Variants in PTPRD observed in about 807,000 individuals in gnomAD.
PTPRD encodes the protein receptor-type tyrosine-protein phosphatase delta.
In PTPRD, 34 loss-of-function variants were observed where a neutral mutation model predicts 214.5. That is an observed-to-expected ratio of 0.16 (90% CI 0.12 to 0.21). The LOEUF is 0.21. Among genes scored for constraint, PTPRD ranks in the 10% least tolerant of loss-of-function variants. The pLI, the probability that PTPRD is intolerant of heterozygous loss-of-function variation, is 1.00. For missense variants in PTPRD, 2,545 were observed against 2,398.7 expected, an observed-to-expected ratio of 1.06 and a Z score of -1.27; for synonymous variants, 1,128 against 845.7, an observed-to-expected ratio of 1.33 and a Z score of -5.79.
In PTPRD at chr9:8,738,347, G is replaced by A. The variant is rs145441370; in HGVS notation, c.-103-4401C>T. Among the ~76,000 whole-genome samples the A allele has an allele frequency of 1.4e-3, 207 of 151,072 alleles. 1 individual carries two copies. Among genetic ancestry groups the A allele is most frequent in the African/African-American group, 4.8e-3 (195 of 40,416 alleles). ...TATTCATATTCAAACCAATATGAAT[G>A]TTGAAGGATTTGTACTATTTTTTCA... is the stretch of plus-strand genomic sequence containing the variant. On this transcript the variant is annotated intron_variant, in intron 11 of 45. Coordinates refer to ENST00000381196, the MANE Select transcript of PTPRD (RefSeq NM_002839.4).
chr9:10,265,591 A>G (rs1456768781), intron 3 of PTPRD, among the ~76,000 whole-genome samples: 1 of 152,222 alleles, frequency 6.6e-6, no homozygotes, highest in African/African-American at 2.4e-5. Flanking sequence ...GGTCTCTATC[A>G]CAACTACTCA....
intron 26 of PTPRD, among the ~76,000 whole-genome samples, chr9:8,494,608 C>T (rs760338929): frequency 2.6e-5 from 4 of 152,200 alleles, no homozygotes; most frequent in South Asian, 4.1e-4. Context: ...AGCAGCAAGG[C>T]TTGCTTCCAT....
At chr9:8,520,285 A>G (rs189645940) in intron 20 of PTPRD, among the ~76,000 whole-genome samples, 13 of 152,076 alleles carry the variant, frequency 8.5e-5, no homozygotes, top group African/African-American at 2.2e-4. Flanking sequence ...TCACGATTGT[A>G]AATGTTGACA....
intron 34 of PTPRD, among the ~76,000 whole-genome samples, chr9:8,448,798 G>C (rs145543691): frequency 2.6e-5 from 4 of 152,262 alleles, no homozygotes; most frequent in East Asian, 1.9e-4. Context: ...TAATATATCT[G>C]CAGTGTATCA....
intron 3 of PTPRD, among the ~76,000 whole-genome samples, chr9:10,235,571 C>T (rs556825831): frequency 1.3e-5 from 2 of 152,030 alleles, no homozygotes; most frequent in South Asian, 4.1e-4. Context: ...TGGACTCCTG[C>T]AGGAAAACAA....
At chr9:9,030,861 C>T (rs1475534755) in intron 10 of PTPRD, among the ~76,000 whole-genome samples, 3 of 151,924 alleles carry the variant, frequency 2.0e-5, no homozygotes, top group African/African-American at 4.8e-5. Context: ...ATTTTCCATA[C>T]TTAAATCTAA....
intron 11 of PTPRD, among the ~76,000 whole-genome samples, chr9:8,740,048 C>T (rs918070687): frequency 2.0e-5 from 3 of 152,110 alleles, no homozygotes; most frequent in Admixed American, 2.0e-4. Context: ...CAGACTAATA[C>T]ACTAACCCAC....
intron 5 of PTPRD, among the ~76,000 whole-genome samples, chr9:9,835,115 C>G (rs976370436): frequency 1.3e-5 from 2 of 152,010 alleles, no homozygotes. Context: ...AGTACCAAAG[C>G]AGCAAGGATT....
chr9:10,061,725 G>C (rs1043024462), intron 3 of PTPRD, among the ~76,000 whole-genome samples: 1 of 152,036 alleles, frequency 6.6e-6, no homozygotes, highest in African/African-American at 2.4e-5. Context: ...TTTCACAGAG[G>C]AATCTGAAAA....
chr9:8,388,620 T>C (rs2088142718), intron 37 of PTPRD, among the ~76,000 whole-genome samples: 1 of 152,148 alleles, frequency 6.6e-6, no homozygotes, highest in African/African-American at 2.4e-5. Context: ...TGAATAAAAC[T>C]CTTTTCTTGG....
chr9:9,660,236 A>G (rs551310059), intron 7 of PTPRD, among the ~76,000 whole-genome samples: 2 of 152,012 alleles, frequency 1.3e-5, no homozygotes, highest in South Asian at 2.1e-4. Flanking sequence ...TTTAGGTGAC[A>G]TCGGAAGCCT....
intron 2 of PTPRD, among the ~76,000 whole-genome samples, chr9:10,451,175 G>T (rs1042476932): frequency 1.3e-5 from 2 of 151,862 alleles, no homozygotes; most frequent in Admixed American, 1.3e-4. Flanking sequence ...ACCTCAAGTG[G>T]CAAAATATAC....
chr9:8,777,044 G>A (rs951529927), intron 11 of PTPRD, among the ~76,000 whole-genome samples: 1 of 100,032 alleles, frequency 1.0e-5, no homozygotes, highest in African/African-American at 3.5e-5. Flanking sequence ...GCAGTGGCAG[G>A]ATCACGGCTC....
At chr9:8,416,154 T>C (rs181488911) in intron 35 of PTPRD, among the ~76,000 whole-genome samples, 5 of 152,200 alleles carry the variant, frequency 3.3e-5, no homozygotes, top group African/African-American at 4.8e-5. Context: ...CTTAATATAA[T>C]AGTAGATTAT....
intron 3 of PTPRD, among the ~76,000 whole-genome samples, chr9:10,065,147 G>GAAAGAAAGAAAGAAAC (rs2097852286): frequency 6.9e-6 from 1 of 144,572 alleles, no homozygotes; most frequent in East Asian, 2.1e-4. Context: ...GGATTAGAAA[G>GAAAGAAAGAAAGAAAC]AAAGAAAGAA....
At chr9:8,742,782 G>A (rs117546228) in intron 11 of PTPRD, among the ~76,000 whole-genome samples, 1 of 152,122 alleles carries the variant, frequency 6.6e-6, no homozygotes, top group African/African-American at 2.4e-5. Flanking sequence ...ATAGCTCAAA[G>A]AAAACTAATT....
chr9:10,019,542 G>C (rs1255586036), intron 4 of PTPRD, among the ~76,000 whole-genome samples: 1 of 152,132 alleles, frequency 6.6e-6, no homozygotes, highest in East Asian at 1.9e-4. Context: ...GTCCAACAAT[G>C]ATAGACTGGA....
chr9:10,038,023 G>A lies in PTPRD; in HGVS notation c.-544-4233C>T, dbSNP rs149069645. ...TACAGACATTGATATGTCTGAAATTGCCAATGACCCTCATATTTATAATTC... is the reference window on the plus strand; with the variant it reads ...TACAGACATTGATATGTCTGAAATTACCAATGACCCTCATATTTATAATTC... On this transcript the variant is annotated intron_variant, in intron 3 of 45. Coordinates refer to ENST00000381196, the MANE Select transcript of PTPRD (RefSeq NM_002839.4). 2.2e-3 allele frequency among the ~76,000 whole-genome samples: 337 copies of A among 152,110 alleles called. 3 individuals are homozygous for A. The highest frequency in any genetic ancestry group is 0.019 in the Admixed American group (295 of 15,258).
intron 2 of PTPRD, among the ~76,000 whole-genome samples, chr9:10,394,081 G>C (rs542003377): frequency 1.4e-5 from 2 of 142,642 alleles, no homozygotes; most frequent in East Asian, 4.1e-4. Context: ...TATATAGAGA[G>C]AGAAACATAT....
Sources: gnomAD v4.1 joint callset for allele counts (sites outside exome capture counted in the v4.1 genomes callset) on GRCh38, gnomAD v4.1.1 for gene constraint, MANE v1.5 for transcripts, NCBI Gene and HGNC (gene_info 2026-07-23, HGNC 2026-07-21) for gene names.